Variants in TMEM123 observed in about 807,000 individuals in gnomAD.
The protein encoded by TMEM123 is transmembrane protein 123.
Under a neutral mutation model 19.7 loss-of-function variants are expected in TMEM123, and 16 were observed. That is an observed-to-expected ratio of 0.81 (90% CI 0.55 to 1.23). The LOEUF is 1.23. Among genes scored for constraint, TMEM123 ranks in the 50% most tolerant of loss-of-function variants. The pLI, the probability that TMEM123 is intolerant of heterozygous loss-of-function variation, is 0.00. For synonymous variants in TMEM123, 118 were observed against 99.4 expected, an observed-to-expected ratio of 1.19 and a Z score of -1.12; for missense variants, 313 against 257.8, an observed-to-expected ratio of 1.21 and a Z score of -1.47.
At position 102,396,617 on chromosome 11, in the gene TMEM123, G is replaced by A. The variant is rs1951857971; in HGVS notation, c.*2250C>T. 6.6e-6 allele frequency: 1 copy of A among 152,102 alleles called. No homozygotes were observed. The highest frequency in any genetic ancestry group is 2.4e-5 in the African/African-American group (1 of 41,434). The allele number at this position is 152,102 out of a possible 1,614,324, so 9.4% of individuals were successfully genotyped here. On this transcript the variant is annotated 3_prime_UTR_variant, in exon 5 of 5. Coordinates refer to ENST00000398136, the MANE Select transcript of TMEM123 (RefSeq NM_052932.3). ...ATTCTCAAGGAATGCAAGCAAAACT[G>A]AGCATTTTTTTTATGCTTAAGAAAT...
chr11:102,420,930 C>T (rs1383038977), intron 2 of TMEM123, among the ~76,000 whole-genome samples: 1 of 152,220 alleles, frequency 6.6e-6, no homozygotes. Flanking sequence ...GCCTGTGATC[C>T]CAGCTACTCT....
At chr11:102,448,404 C>T (rs758247132) in intron 2 of TMEM123, 5 of 400,412 alleles carry the variant, frequency 1.2e-5, no homozygotes, top group African/African-American at 2.1e-5. Flanking sequence ...GTAGGGTCTC[C>T]TTAGAGTCAG....
chr11:102,437,023 C>T (rs2135860771), intron 2 of TMEM123, among the ~76,000 whole-genome samples: 1 of 152,180 alleles, frequency 6.6e-6, no homozygotes, highest in East Asian at 1.9e-4. Flanking sequence ...TTTGTTTTTC[C>T]TGTTCTTGAA....
intron 2 of TMEM123, among the ~76,000 whole-genome samples, chr11:102,415,369 C>T (rs1006834089): frequency 5.6e-4 from 86 of 152,214 alleles, no homozygotes; most frequent in Non-Finnish European, 1.0e-4. Flanking sequence ...CACCCAACAA[C>T]AGAATATACA....
chr11:102,448,572 G>A (rs1166805637), intron 2 of TMEM123, among the ~76,000 whole-genome samples: 1 of 152,172 alleles, frequency 6.6e-6, no homozygotes, highest in Non-Finnish European at 1.5e-5. Context: ...ATGAAATTCC[G>A]ATACACTTTT....
intron 2 of TMEM123, among the ~76,000 whole-genome samples, chr11:102,425,923 T>TA (rs1240896885): frequency 2.0e-5 from 3 of 152,188 alleles, no homozygotes; most frequent in African/African-American, 7.2e-5. Flanking sequence ...AGTGCTCACT[T>TA]ACATTATCTG....
chr11:102,409,060 A>G (rs1398327267), intron 2 of TMEM123, among the ~76,000 whole-genome samples: 1 of 152,158 alleles, frequency 6.6e-6, no homozygotes, highest in Non-Finnish European at 1.5e-5. Flanking sequence ...TTTAACCTAA[A>G]TATCTCAAAG....
chr11:102,411,643 T>C (rs1048555747), intron 2 of TMEM123, among the ~76,000 whole-genome samples: 1 of 151,572 alleles, frequency 6.6e-6, no homozygotes, highest in Non-Finnish European at 1.5e-5. Context: ...TGAATTGGAT[T>C]GTAGGACACT....
At chr11:102,404,530 C>T (rs1951938711) in intron 2 of TMEM123, among the ~76,000 whole-genome samples, 1 of 151,780 alleles carries the variant, frequency 6.6e-6, no homozygotes, top group South Asian at 2.1e-4. Flanking sequence ...GTGATCCGCC[C>T]ACCTCAGCCT....
chr11:102,451,949 G>A (rs962123100), intron 1 of TMEM123, among the ~76,000 whole-genome samples: 1 of 152,220 alleles, frequency 6.6e-6, no homozygotes, highest in African/African-American at 2.4e-5. Context: ...CTACCGCGAG[G>A]GCGGGGCGCG....
intron 2 of TMEM123, among the ~76,000 whole-genome samples, chr11:102,412,867 T>C (rs1221542783): frequency 1.3e-5 from 2 of 152,152 alleles, no homozygotes; most frequent in Non-Finnish European, 2.9e-5. Flanking sequence ...TTCTCAACAA[T>C]GTTAACAAAT....
At chr11:102,434,378 T>A (rs1439601937) in intron 2 of TMEM123, among the ~76,000 whole-genome samples, 1 of 151,966 alleles carries the variant, frequency 6.6e-6, no homozygotes, top group Non-Finnish European at 1.5e-5. Context: ...CTATTGGCTA[T>A]CTGTATGTCT....
chr11:102,424,223 A>G (rs1952107871), intron 2 of TMEM123, among the ~76,000 whole-genome samples: 1 of 152,210 alleles, frequency 6.6e-6, no homozygotes. Context: ...ACCCCTACGT[A>G]TTTATAAAGA....
intron 2 of TMEM123, among the ~76,000 whole-genome samples, chr11:102,421,584 G>C (rs1407199888): frequency 1.1e-4 from 16 of 152,012 alleles, no homozygotes. Flanking sequence ...CAACTGTACA[G>C]TTTAGTATAC....
At chr11:102,417,326 A>G (rs1952050575) in intron 2 of TMEM123, among the ~76,000 whole-genome samples, 1 of 152,192 alleles carries the variant, frequency 6.6e-6, no homozygotes, top group Non-Finnish European at 1.5e-5. Flanking sequence ...ATGTACAGAA[A>G]TCAGTAACAT....
At chr11:102,409,931 T>TAA (rs138342442) in intron 2 of TMEM123, among the ~76,000 whole-genome samples, 1 of 151,024 alleles carries the variant, frequency 6.6e-6, no homozygotes, top group Non-Finnish European at 1.5e-5. Context: ...AAACTGAGCT[T>TAA]AAAAAAAGTC....
At chr11:102,434,271 G>A (rs1857740341) in intron 2 of TMEM123, among the ~76,000 whole-genome samples, 1 of 151,624 alleles carries the variant, frequency 6.6e-6, no homozygotes, top group South Asian at 2.1e-4. Flanking sequence ...TTGTCTTTTT[G>A]AGAATAGCCA....
intron 2 of TMEM123, among the ~76,000 whole-genome samples, chr11:102,435,064 GCA>G (rs977259000): frequency 2.4e-4 from 37 of 151,830 alleles, no homozygotes; most frequent in Admixed American, 2.3e-3. Flanking sequence ...AACGGGCTGG[GCA>G]CAGTGGCTCA....
At chr11:102,399,014 G>A in intron 4 of TMEM123, 123 bp from the exon 5 acceptor site, 5 of 874,488 alleles carry the variant, frequency 5.7e-6, no homozygotes, top group Middle Eastern at 3.1e-4. Context: ...AATGGTCAGT[G>A]TTCTGTGTAA....
Sources: allele counts gnomAD v4.1 joint callset (sites outside exome capture counted in the v4.1 genomes callset), GRCh38; gene constraint gnomAD v4.1.1; transcripts MANE v1.5; gene names NCBI Gene and HGNC (gene_info 2026-07-23, HGNC 2026-07-21).